The following XKR9 variants were observed in gnomAD, a reference collection of about 807,000 sequenced individuals.
XKR9 encodes XK related 9.
Under a neutral mutation model 32.0 loss-of-function variants are expected in XKR9, and 32 were observed. The observed-to-expected ratio is 1.00, with a 90% CI of 0.76 to 1.34. The LOEUF is 1.34. XKR9 is among the 40% of genes most tolerant of loss of function. The pLI, the probability that XKR9 is intolerant of heterozygous loss-of-function variation, is 0.00. For missense variants in XKR9, 546 were observed against 429.7 expected, an observed-to-expected ratio of 1.27 and a Z score of -2.39; for synonymous variants, 168 against 143.4, an observed-to-expected ratio of 1.17 and a Z score of -1.22.
At chr8:70,798,078 A>C in the XKR9 span, among the ~76,000 whole-genome samples, 4 of 152,054 alleles carry the variant, frequency 2.6e-5, no homozygotes, top group Admixed American at 2.6e-4. Context: ...CAGTAATGGG[A>C]TTTCTGGGTT....
At chr8:70,811,378 G>C in the XKR9 span, among the ~76,000 whole-genome samples, 1 of 152,106 alleles carries the variant, frequency 6.6e-6, no homozygotes, top group African/African-American at 2.4e-5. Flanking sequence ...ACAATTAAAA[G>C]AACTAGAGAA....
chr8:70,851,112 A>G, the XKR9 span, among the ~76,000 whole-genome samples: 1 of 152,238 alleles, frequency 6.6e-6, no homozygotes, highest in Non-Finnish European at 1.5e-5. Context: ...ATGTGCAAAA[A>G]TCACAAGCAT....
At chr8:70,951,723 AAATG>A in the XKR9 span, among the ~76,000 whole-genome samples, 1 of 152,192 alleles carries the variant, frequency 6.6e-6, no homozygotes, top group Non-Finnish European at 1.5e-5. Flanking sequence ...AATGAATCCC[AAATG>A]AATGCTCCCT....
the XKR9 span, among the ~76,000 whole-genome samples, chr8:70,908,942 ACT>A: frequency 6.6e-6 from 1 of 152,086 alleles, no homozygotes; most frequent in African/African-American, 2.4e-5. Context: ...AACTCTGGAG[ACT>A]CTGATTCAGG....
chr8:70,705,547 C>A (rs1805691007), intron 3 of XKR9, among the ~76,000 whole-genome samples: 1 of 151,894 alleles, frequency 6.6e-6, no homozygotes, highest in South Asian at 2.1e-4. Context: ...TTAGCAAAGA[C>A]AAAGGCCCTT....
At chr8:70,852,351 A>G in the XKR9 span, among the ~76,000 whole-genome samples, 5 of 152,224 alleles carry the variant, frequency 3.3e-5, no homozygotes, top group Admixed American at 2.0e-4. Flanking sequence ...AATTACTTCA[A>G]TCCTTTTGGA....
At chr8:71,002,125 G>A in the XKR9 span, among the ~76,000 whole-genome samples, 2 of 152,028 alleles carry the variant, frequency 1.3e-5, no homozygotes, top group Non-Finnish European at 2.9e-5. Flanking sequence ...GAGGTCGTAA[G>A]AGAAATTCCA....
chr8:70,851,695 T>C, the XKR9 span, among the ~76,000 whole-genome samples: 3 of 152,360 alleles, frequency 2.0e-5, no homozygotes, highest in African/African-American at 7.2e-5. Flanking sequence ...GGATTCCCTA[T>C]TTAATGAATG....
At chr8:71,064,812 A>C in the XKR9 span, among the ~76,000 whole-genome samples, 26,811 of 152,122 alleles carry the variant, frequency 0.18, 2,633 homozygotes, top group African/African-American at 0.23. Context: ...AAGAATTGCA[A>C]TATTAGACTT....
the XKR9 span, among the ~76,000 whole-genome samples, chr8:70,947,194 T>A: frequency 2.0e-5 from 3 of 152,260 alleles, no homozygotes; most frequent in African/African-American, 7.2e-5. Flanking sequence ...CCTGAAAATA[T>A]ATCCTGCCTA....
chr8:70,930,490 A>T, the XKR9 span, among the ~76,000 whole-genome samples: 2 of 152,212 alleles, frequency 1.3e-5, no homozygotes, highest in African/African-American at 4.8e-5. Flanking sequence ...TCAACAAGAC[A>T]GCAAAATTTG....
chr8:71,005,153 A>G, the XKR9 span, among the ~76,000 whole-genome samples: 25 of 146,492 alleles, frequency 1.7e-4, no homozygotes, highest in African/African-American at 6.1e-4. Flanking sequence ...TCTTGGCTTT[A>G]TTTTGCTTAT....
chr8:70,832,518 G>C, the XKR9 span, among the ~76,000 whole-genome samples: 1 of 152,088 alleles, frequency 6.6e-6, no homozygotes, highest in African/African-American at 2.4e-5. Flanking sequence ...ATTCTGTTGA[G>C]GAGAGAATAA....
At chr8:70,855,295 A>G in the XKR9 span, among the ~76,000 whole-genome samples, 1 of 152,164 alleles carries the variant, frequency 6.6e-6, no homozygotes, top group Non-Finnish European at 1.5e-5. Context: ...GACCTGATGG[A>G]GCTGAAAACC....
intron 2 of XKR9, among the ~76,000 whole-genome samples, chr8:70,754,074 A>G (rs1807182062): frequency 6.8e-6 from 1 of 147,472 alleles, no homozygotes; most frequent in Non-Finnish European, 1.5e-5. Flanking sequence ...AAGTCTCAGG[A>G]TACAAAATCA....
the XKR9 span, among the ~76,000 whole-genome samples, chr8:70,918,517 G>T: frequency 5.9e-5 from 9 of 152,006 alleles, 1 homozygote; most frequent in Admixed American, 5.2e-4. Flanking sequence ...GAACTCAGTT[G>T]CCCTTAAGGT....
chr8:70,957,744 C>T, the XKR9 span, among the ~76,000 whole-genome samples: 15 of 150,282 alleles, frequency 1.0e-4, no homozygotes, highest in Non-Finnish European at 2.1e-4. Flanking sequence ...CATAGTATTC[C>T]ATGGTGCGTA....
the XKR9 span, among the ~76,000 whole-genome samples, chr8:70,897,281 T>C: frequency 6.6e-6 from 1 of 152,206 alleles, no homozygotes; most frequent in African/African-American, 2.4e-5. Flanking sequence ...TATCCATTTA[T>C]CTGTTGATGG....
At chr8:70,739,916 C>G (rs990329843), downstream of XKR9, among the ~76,000 whole-genome samples, 18 of 152,114 alleles carry the variant, frequency 1.2e-4, no homozygotes, top group Non-Finnish European at 1.3e-4. Flanking sequence ...TCCTTCATTT[C>G]AACTTTGGTG....
Sources: allele counts gnomAD v4.1 joint callset (sites outside exome capture counted in the v4.1 genomes callset), GRCh38; gene constraint gnomAD v4.1.1; transcripts MANE v1.5; gene names NCBI Gene and HGNC (gene_info 2026-07-23, HGNC 2026-07-21).